Variants in SIPA1L2 observed in about 807,000 individuals in gnomAD.
SIPA1L2 encodes signal-induced proliferation-associated 1-like protein 2.
In SIPA1L2, 56 loss-of-function variants were observed where a neutral mutation model predicts 163.9. The ratio of observed to expected loss-of-function variants is 0.34; its 90% CI spans 0.28 to 0.43. SIPA1L2 has a LOEUF of 0.43. Ranked by LOEUF, SIPA1L2 falls within the 20% of genes least tolerant of loss-of-function variation. The probability of loss-of-function intolerance (pLI) is 1.00; values close to 1 mark genes in which losing one functional copy is unlikely to be tolerated. For synonymous variants in SIPA1L2, 877 were observed against 865.7 expected (o/e 1.01, Z -0.23); for missense variants, 1,974 against 2,193.5 (o/e 0.90, Z 2.00).
intron 1 of SIPA1L2, among the ~76,000 whole-genome samples, chr1:232,579,807 A>G (rs1283015727): frequency 6.6e-6 from 1 of 152,228 alleles, no homozygotes. Flanking sequence ...TAATATGAAC[A>G]GAAGTCTCAC....
At chr1:232,536,460 T>C (rs372416230) in intron 2 of SIPA1L2, among the ~76,000 whole-genome samples, 4 of 152,168 alleles carry the variant, frequency 2.6e-5, no homozygotes, top group Admixed American at 6.5e-5. Context: ...TCTTGAATCA[T>C]TGCTTATGAG....
intron 1 of SIPA1L2, among the ~76,000 whole-genome samples, chr1:232,615,107 A>G (rs1342437762): frequency 6.6e-6 from 1 of 152,194 alleles, no homozygotes; most frequent in Admixed American, 6.5e-5. Flanking sequence ...TTACTGCTAC[A>G]CATCCTTGGA....
chr1:232,541,935 A>ATCTCTC (rs59407464), intron 2 of SIPA1L2, among the ~76,000 whole-genome samples: 31,595 of 148,092 alleles, frequency 0.21, 3,503 homozygotes, highest in Middle Eastern at 0.32. Context: ...TGAGCCTTAA[A>ATCTCTC]TCTCTCTCTC....
At position 232,528,102 on chromosome 1, in the gene SIPA1L2, A is replaced by ATCTATC. The variant is rs34779799; in HGVS notation, c.-269-12495_-269-12494insGATAGA. Among the ~76,000 whole-genome samples, 10 of 118,514 alleles carry ATCTATC rather than the reference A, an allele frequency of 8.4e-5. 1 individual carries two copies. Among genetic ancestry groups the ATCTATC allele is most frequent in the African/African-American group, 3.1e-4 (9 of 28,966 alleles). The allele number at this position is 118,514 out of a possible 152,430, so 77.7% of individuals were successfully genotyped here. ...TTTATATATATATATATATATATAT[A>ATCTATC]ATCAACTTTCTAAAAACCACAGGTA... On this transcript the variant is annotated intron_variant, in intron 2 of 22. Coordinates refer to ENST00000674635, the MANE Select transcript of SIPA1L2 (RefSeq NM_020808.5).
chr1:232,443,655 G>A lies in SIPA1L2; in HGVS notation c.3384C>T (p.Ser1128=), dbSNP rs185373118. The change falls in exon 12 of 23, where the codon AGC becomes AGT. Residue 1128 remains serine (S), a synonymous_variant. Coordinates refer to ENST00000674635, the MANE Select transcript of SIPA1L2 (RefSeq NM_020808.5). ...RSSPSNQSSS[S]DPGPGGSGPW... Reference sequence around the variant, plus strand: ...GTCCGCTCCCGCCGGGTCCAGGGTCGCTGGAGGATGACTGGTTGCTGGGTG... The same window carrying A: ...GTCCGCTCCCGCCGGGTCCAGGGTCACTGGAGGATGACTGGTTGCTGGGTG... 46 of 1,608,862 alleles carry A rather than the reference G, an allele frequency of 2.9e-5. No homozygotes were observed. Among genetic ancestry groups the A allele is most frequent in the East Asian group, 4.5e-5 (2 of 44,530 alleles).
chr1:232,548,429 C>A (rs1658176708), intron 2 of SIPA1L2, among the ~76,000 whole-genome samples: 1 of 152,192 alleles, frequency 6.6e-6, no homozygotes, highest in Non-Finnish European at 1.5e-5. Context: ...TAGTGTGAAA[C>A]CCAGAGTATC....
rs111791365 is a variant in SIPA1L2 at position 232,579,586 on chromosome 1, A to C, written c.-318-5364T>G. Among the ~76,000 whole-genome samples the C allele has an allele frequency of 2.0e-3, 307 of 152,340 alleles. 1 individual carries two copies. The highest frequency in any genetic ancestry group is 7.0e-3 in the African/African-American group (293 of 41,582). The stretch of plus-strand genomic sequence containing the variant: ...CCATTCCCATAAGGGAATCCATAGA[A>C]TAGGTTGAACCATATGAAACCACCA... On this transcript the variant is annotated intron_variant, in intron 1 of 22. Coordinates refer to ENST00000674635, the MANE Select transcript of SIPA1L2 (RefSeq NM_020808.5).
At position 232,514,660 on chromosome 1, in the gene SIPA1L2, G is replaced by A; in HGVS notation, c.680C>T (p.Pro227Leu). 1 of 1,614,168 alleles carries A rather than the reference G, an allele frequency of 6.2e-7. No individual in the cohort carries two copies. The highest frequency in any genetic ancestry group is 8.5e-7 in the Non-Finnish European group (1 of 1,180,040). Residue 227 changes from proline (P) to leucine (L), a missense_variant, in exon 3 of 23, where the codon CCT (proline) becomes CTT (leucine). Around this residue, in one of 3 missense-constraint regions of SIPA1L2, gnomAD observed 607 missense variants for 624.0 expected, o/e 0.97. Coordinates refer to ENST00000674635, the MANE Select transcript of SIPA1L2 (RefSeq NM_020808.5). ...GCGGAAAAATTCAGGGAACCCAAAA[G>A]GGACCATTGCTTTGTGGTCATAATT... ...VENYDHKAMV[P>L]FGFPEFFRCD...
At chr1:232,598,209 C>G (rs1430351921) in intron 1 of SIPA1L2, among the ~76,000 whole-genome samples, 1 of 149,860 alleles carries the variant, frequency 6.7e-6, no homozygotes, top group South Asian at 2.1e-4. Flanking sequence ...TGAGACTAGC[C>G]TGGGCAACAT....
At chr1:232,565,253 C>T (rs1422840089) in intron 2 of SIPA1L2, among the ~76,000 whole-genome samples, 1 of 152,226 alleles carries the variant, frequency 6.6e-6, no homozygotes, top group Non-Finnish European at 1.5e-5. Flanking sequence ...CCTTGGATGG[C>T]AAACCAGGTT....
chr1:232,445,976 A>T (rs959570418), intron 10 of SIPA1L2, among the ~76,000 whole-genome samples, 190 bp from the exon 11 acceptor site: 2 of 152,116 alleles, frequency 1.3e-5, no homozygotes, highest in Admixed American at 6.5e-5. Context: ...ACACTATTCA[A>T]TTCCTCTTCT....
intron 11 of SIPA1L2, among the ~76,000 whole-genome samples, chr1:232,445,169 C>T (rs1004035000): frequency 1.3e-5 from 2 of 152,182 alleles, no homozygotes; most frequent in Non-Finnish European, 2.9e-5. Context: ...ACTGATTGTT[C>T]AGTTTTATTT....
At chr1:232,538,711 T>C (rs1432799639) in intron 2 of SIPA1L2, among the ~76,000 whole-genome samples, 1 of 147,434 alleles carries the variant, frequency 6.8e-6, no homozygotes, top group African/African-American at 2.5e-5. Flanking sequence ...TACACACATG[T>C]GCTTGTATAC....
chr1:232,415,731 C>G, intron 18 of SIPA1L2, 106 bp from the exon 19 acceptor site: 1 of 1,491,162 alleles, frequency 6.7e-7, no homozygotes, highest in South Asian at 1.2e-5. Context: ...GTCAGTCAGT[C>G]AGAACACGGG....
intron 3 of SIPA1L2, among the ~76,000 whole-genome samples, chr1:232,500,576 A>T (rs1666417066): frequency 6.6e-6 from 1 of 152,242 alleles, no homozygotes; most frequent in African/African-American, 2.4e-5. Context: ...CAAGAGAACT[A>T]GAATTAGAAA....
intron 2 of SIPA1L2, among the ~76,000 whole-genome samples, chr1:232,568,813 A>T (rs556914146): frequency 6.6e-6 from 1 of 152,356 alleles, no homozygotes; most frequent in South Asian, 2.1e-4. Context: ...AAACGTGTGT[A>T]TTGAGTGCCT....
In SIPA1L2 at chr1:232,465,906, G is replaced by A. The variant is rs1459197023; in HGVS notation, c.2244-490C>T. On this transcript the variant is annotated intron_variant, in intron 8 of 22. Coordinates refer to ENST00000674635, the MANE Select transcript of SIPA1L2 (RefSeq NM_020808.5). This position sits in a 1 kb window ranked among gnomAD's most constrained non-coding sequence, Gnocchi z 4.1. ...AAAGAAGACCATGTGAAGACACAAG[G>A]AGAAGACGGCCATCCATAAGCCAAG... Among the ~76,000 whole-genome samples the A allele has an allele frequency of 6.6e-6, 1 of 151,632 alleles. No homozygotes were observed. The highest frequency in any genetic ancestry group is 1.5e-5 in the Non-Finnish European group (1 of 67,974).
At chr1:232,399,761 C>G (rs1660220297) in intron 22 of SIPA1L2, among the ~76,000 whole-genome samples, 1 of 152,124 alleles carries the variant, frequency 6.6e-6, no homozygotes, top group South Asian at 2.1e-4. Context: ...CTATTAAAAA[C>G]TGTGTAAAAA....
At position 232,567,855 on chromosome 1, in the gene SIPA1L2, G is replaced by A. The variant is rs181059660; in HGVS notation, c.-270+6319C>T. Among the ~76,000 whole-genome samples the A allele has an allele frequency of 1.4e-4, 21 of 152,360 alleles. No individual in the cohort carries two copies. The East Asian group carries it at 3.7e-3, about 27-fold the overall frequency. ...TTTCTGCCCCATCCCACAGCCTCCA[G>A]GGAGGAGAGAGGGGCTGAAGGTTAA... is the stretch of plus-strand genomic sequence containing the variant. On this transcript the variant is annotated intron_variant, in intron 2 of 22. Coordinates refer to ENST00000674635, the MANE Select transcript of SIPA1L2 (RefSeq NM_020808.5).
Sources: gnomAD v4.1 joint callset for allele counts (sites outside exome capture counted in the v4.1 genomes callset) on GRCh38, gnomAD v4.1.1 for gene constraint, gnomAD v4.1.1 regional missense constraint, Gnocchi (gnomAD v3.1) non-coding constraint, MANE v1.5 for transcripts, NCBI Gene and HGNC (gene_info 2026-07-23, HGNC 2026-07-21) for gene names.